The following FAT3 variants were observed in gnomAD, a reference collection of about 807,000 sequenced individuals.
FAT3 encodes the protein FAT atypical cadherin 3.
A neutral mutation model predicts 310.2 loss-of-function variants in FAT3; 95 were observed. The ratio of observed to expected loss-of-function variants is 0.31; its 90% CI spans 0.26 to 0.36. FAT3 has a LOEUF of 0.36. FAT3 is among the 10% of genes least tolerant of loss of function. The pLI, the probability that FAT3 is intolerant of heterozygous loss-of-function variation, is 1.00. For synonymous variants in FAT3, 2,314 were observed against 2,192.9 expected (o/e 1.06, Z -1.54); for missense variants, 5,408 against 5,715.6 (o/e 0.95, Z 1.74).
At chr11:92,562,263 CAAT>C (rs1472869685) in intron 3 of FAT3, among the ~76,000 whole-genome samples, 1 of 152,098 alleles carries the variant, frequency 6.6e-6, no homozygotes, top group African/African-American at 2.4e-5. Flanking sequence ...GTATCATATA[CAAT>C]ACTTCCTACC....
At chr11:92,678,371 C>A (rs1425604150) in intron 3 of FAT3, among the ~76,000 whole-genome samples, 1 of 152,016 alleles carries the variant, frequency 6.6e-6, no homozygotes, top group Non-Finnish European at 1.5e-5. Context: ...TGGAGTTTTC[C>A]TTTTGATTCA....
At chr11:92,652,953 A>C (rs1942440821) in intron 3 of FAT3, among the ~76,000 whole-genome samples, 1 of 152,172 alleles carries the variant, frequency 6.6e-6, no homozygotes, top group Non-Finnish European at 1.5e-5. Flanking sequence ...ACCTGAGGTC[A>C]GGAGTTCGAG....
chr11:92,567,182 A>T (rs1955489593), intron 3 of FAT3, among the ~76,000 whole-genome samples: 4 of 78,710 alleles, frequency 5.1e-5, no homozygotes, highest in Admixed American at 1.5e-4. Context: ...AACTCAAAGA[A>T]ATTTACAAGA....
At chr11:92,868,384 A>G (rs1313368310) in intron 22 of FAT3, among the ~76,000 whole-genome samples, 1 of 152,194 alleles carries the variant, frequency 6.6e-6, no homozygotes, top group Non-Finnish European at 1.5e-5. Context: ...GATTTAAGAA[A>G]TCTATTTGCT....
At chr11:92,614,335 A>C (rs1026820517) in intron 3 of FAT3, among the ~76,000 whole-genome samples, 1 of 152,224 alleles carries the variant, frequency 6.6e-6, no homozygotes, top group African/African-American at 2.4e-5. Flanking sequence ...ACTATTTTGC[A>C]AAGGTGCTGG....
At chr11:92,578,727 T>C (rs1005623618) in intron 3 of FAT3, among the ~76,000 whole-genome samples, 4 of 152,170 alleles carry the variant, frequency 2.6e-5, no homozygotes, top group Admixed American at 6.6e-5. Flanking sequence ...ACTCTCCCTG[T>C]TTATAAAATA....
intron 1 of FAT3, among the ~76,000 whole-genome samples, chr11:92,255,462 C>T (rs1433543287): frequency 6.6e-6 from 1 of 151,872 alleles, no homozygotes; most frequent in Non-Finnish European, 1.5e-5. Context: ...AGTATGGACT[C>T]ACTACATAAA....
At chr11:92,269,501 G>A (rs1190554011) in intron 1 of FAT3, among the ~76,000 whole-genome samples, 2 of 152,150 alleles carry the variant, frequency 1.3e-5, no homozygotes, top group East Asian at 3.9e-4. Flanking sequence ...CTTTGAACAA[G>A]CAGAACTTTT....
At chr11:92,847,960 C>T (rs1948730683) in intron 19 of FAT3, among the ~76,000 whole-genome samples, 1 of 152,046 alleles carries the variant, frequency 6.6e-6, no homozygotes, top group Non-Finnish European at 1.5e-5. Context: ...CCCACAGGTG[C>T]ACACACTCAC....
In FAT3 at chr11:92,442,950, C is replaced by T. The variant is rs117668321; in HGVS notation, c.3293-81684C>T. Among the ~76,000 whole-genome samples, 775 of 152,218 alleles carry T rather than the reference C, an allele frequency of 5.1e-3. 4 individuals are homozygous for T. Among genetic ancestry groups the T allele is most frequent in the Non-Finnish European group, 7.9e-3 (535 of 68,000 alleles). On this transcript the variant is annotated intron_variant, in intron 2 of 27. Coordinates refer to ENST00000525166, the MANE Select transcript of FAT3 (RefSeq NM_001367949.2). ...ATATGTTTTTAATAACAACTGAAACCGTGCATGATATATGTAAACCCCTTT... is the reference window on the plus strand; with the variant it reads ...ATATGTTTTTAATAACAACTGAAACTGTGCATGATATATGTAAACCCCTTT...
chr11:92,592,198 GA>G (rs1198963599), intron 3 of FAT3, among the ~76,000 whole-genome samples: 3 of 150,854 alleles, frequency 2.0e-5, no homozygotes, highest in African/African-American at 4.8e-5. Flanking sequence ...TTAGGGGAAT[GA>G]AAAAAAGGCA....
At chr11:92,619,279 GAT>G (rs1186515205) in intron 3 of FAT3, among the ~76,000 whole-genome samples, 5 of 152,100 alleles carry the variant, frequency 3.3e-5, no homozygotes, top group Non-Finnish European at 7.4e-5. Context: ...ATTCATAAGA[GAT>G]ATAACTTTTG....
chr11:92,872,600 C>T (rs1409112447), intron 22 of FAT3, among the ~76,000 whole-genome samples: 1 of 152,120 alleles, frequency 6.6e-6, no homozygotes, highest in Non-Finnish European at 1.5e-5. Flanking sequence ...AATAGAAAAG[C>T]TCAAACCCTA....
At chr11:92,270,929 C>T (rs974107045) in intron 1 of FAT3, among the ~76,000 whole-genome samples, 5 of 152,026 alleles carry the variant, frequency 3.3e-5, no homozygotes, top group African/African-American at 9.7e-5. Context: ...TCCTCTCTTT[C>T]CCTCATTTTT....
intron 4 of FAT3, among the ~76,000 whole-genome samples, chr11:92,711,248 T>A (rs1252054724): frequency 2.6e-5 from 4 of 152,184 alleles, no homozygotes; most frequent in African/African-American, 9.6e-5. Flanking sequence ...TAGTTTCATA[T>A]CCTTGCTTAT....
In FAT3 at chr11:92,867,205, G is replaced by A. The variant is rs531801730; in HGVS notation, c.12123G>A (p.Ser4041=). 1.1e-5 allele frequency: 18 copies of A among 1,568,360 alleles called. No homozygotes were observed. Among genetic ancestry groups the A allele is most frequent in the African/African-American group, 6.7e-5 (5 of 74,376 alleles). ...QHGGSCTGLP[S]GGYQCTCLSQ... is the part of the protein sequence containing the mutation. ...GGGGCAGCTGCACTGGCCTGCCATC[G>A]GGGGGTGAGTGTGGCTACGCAGTGG... The change falls in exon 22 of 28, where the codon TCG becomes TCA. Residue 4041 remains serine, a synonymous_variant. Transcript: ENST00000525166.
chr11:92,661,602 T>C (rs951649653), intron 3 of FAT3, among the ~76,000 whole-genome samples: 3 of 152,030 alleles, frequency 2.0e-5, no homozygotes, highest in Non-Finnish European at 4.4e-5. Context: ...GGTGTCTTCT[T>C]TTTTTAAGAA....
At chr11:92,388,116 A>G (rs1338192651) in intron 2 of FAT3, among the ~76,000 whole-genome samples, 4 of 151,912 alleles carry the variant, frequency 2.6e-5, no homozygotes, top group African/African-American at 7.3e-5. Flanking sequence ...TTATGTTTAG[A>G]CTCCAAGCTG....
intron 3 of FAT3, among the ~76,000 whole-genome samples, chr11:92,618,665 T>C (rs1267388798): frequency 6.6e-6 from 1 of 152,188 alleles, no homozygotes; most frequent in Non-Finnish European, 1.5e-5. Flanking sequence ...CTAATGCATA[T>C]AAATACATTT....
Sources: allele counts gnomAD v4.1 joint callset (sites outside exome capture counted in the v4.1 genomes callset), GRCh38; gene constraint gnomAD v4.1.1; transcripts MANE v1.5; gene names NCBI Gene and HGNC (gene_info 2026-07-23, HGNC 2026-07-21).